Variants in CEP131 observed in about 807,000 individuals in gnomAD.
CEP131 encodes centrosomal protein of 131 kDa.
CEP131 carries 99 observed loss-of-function variants against 136.8 expected under a neutral mutation model. The ratio of observed to expected loss-of-function variants is 0.72; its 90% confidence interval spans 0.62 to 0.86. CEP131 has a LOEUF of 0.86. Ranked by LOEUF, CEP131 falls within the 40% of genes least tolerant of loss-of-function variation. CEP131 has a pLI of 0.00. For synonymous variants in CEP131, 646 were observed against 612.7 expected, an observed-to-expected ratio of 1.05 and a Z score of -0.80; for missense variants, 1,459 against 1,463.0, an observed-to-expected ratio of 1.00 and a Z score of 0.04.
At chr17:81,199,954 GC>G in intron 8 of CEP131, 119 bp from the exon 9 acceptor site, 1 of 1,012,762 alleles carries the variant, frequency 9.9e-7, no homozygotes, top group Non-Finnish European at 1.5e-6. Context: ...CTCAGGGCCA[GC>G]AGGGAAAGTG....
In CEP131 at chr17:81,203,858, C is replaced by T. The variant is rs183019360; in HGVS notation, c.516-251G>A. 192 of 482,272 alleles carry T rather than the reference C, an allele frequency of 4.0e-4. 2 individuals carry two copies. In the South Asian group the frequency reaches 5.0e-3, roughly 13 times the overall value. 29.9% of individuals were successfully genotyped at this position (482,272 alleles called of 1,614,324 possible). Reference sequence around the variant, plus strand: ...AGGGGATAGAATCGAGGCATGAACGCTGGACGTGCCCAAGACGGGGGGAGC... The same window carrying T: ...AGGGGATAGAATCGAGGCATGAACGTTGGACGTGCCCAAGACGGGGGGAGC... On this transcript the variant is annotated intron_variant, in intron 5 of 25. Coordinates refer to ENST00000450824, the MANE Select transcript of CEP131 (RefSeq NM_014984.4). This position sits in a 1 kb window ranked among gnomAD's most constrained non-coding sequence, Gnocchi z 4.6.
intron 2 of CEP131, among the ~76,000 whole-genome samples, chr17:81,216,102 G>A (rs772357402): frequency 1.7e-4 from 26 of 152,254 alleles, no homozygotes; most frequent in Non-Finnish European, 2.6e-4. Flanking sequence ...GCTCACACCT[G>A]TAATCCCAGC....
chr17:81,209,453 C>A (rs1448970587), intron 2 of CEP131, among the ~76,000 whole-genome samples: 2 of 152,232 alleles, frequency 1.3e-5, no homozygotes, highest in Admixed American at 6.5e-5. Context: ...ACTAAGGAGA[C>A]GCAACCAAGA....
Position 81,197,700 on chromosome 17 carries a change from G to T in CEP131, c.1647+12C>A, listed in dbSNP as rs934414233. The T allele has an allele frequency of 6.2e-7, 1 of 1,604,820 alleles. No individual in the cohort carries two copies. Among genetic ancestry groups the T allele is most frequent in the East Asian group, 2.2e-5 (1 of 44,720 alleles). ...CCCACTGGGGGCCGGGTGCGGGCTG[G>T]TGAGGGGCCACCTCCTGCTGGGAGT... is the stretch of plus-strand genomic sequence containing the variant. On this transcript the variant is annotated intron_variant, in intron 13 of 25. Transcript: ENST00000450824.
intron 24 of CEP131, 121 bp downstream of exon 24, chr17:81,190,518 G>T: frequency 7.9e-7 from 1 of 1,261,510 alleles, no homozygotes; most frequent in Non-Finnish European, 1.1e-6. Flanking sequence ...TGTCTACAGG[G>T]CCCTGTCTCT....
intron 1 of CEP131, among the ~76,000 whole-genome samples, chr17:81,220,805 A>G (rs559583159): frequency 5.4e-4 from 82 of 151,854 alleles, no homozygotes; most frequent in African/African-American, 1.9e-3. Flanking sequence ...CCGGCCCCTA[A>G]GTAAAAATAC....
At chr17:81,192,685 G>GGGGGGGGGGGGGGCCCCCC in intron 19 of CEP131, 51 bp downstream of exon 19, 7 of 478,398 alleles carry the variant, frequency 1.5e-5, no homozygotes, top group Non-Finnish European at 2.8e-5. Context: ...GGGGGGAGGG[G>GGGGGGGGGGGGGGCCCCCC]TCAGCCAGCG....
At chr17:81,192,431 G>C in intron 20 of CEP131, 39 bp from the exon 21 acceptor site, 2 of 1,611,648 alleles carry the variant, frequency 1.2e-6, no homozygotes, top group Non-Finnish European at 1.7e-6. Context: ...GTCCCACCCC[G>C]TGCAGCCCCC....
At position 81,197,833 on chromosome 17, in the gene CEP131, C is replaced by T; in HGVS notation, c.1526G>A (p.Ser509Asn). The T allele has an allele frequency of 6.2e-7, 1 of 1,613,244 alleles. No homozygotes were observed. The change falls in exon 13 of 26, where the codon AGT becomes AAT. Residue 509 changes from serine to asparagine, a missense_variant. Physicochemically the swap from Ser to Asn is conservative, Grantham distance 46. Around this residue, in one of 3 missense-constraint regions of CEP131, gnomAD observed 1,026 missense variants for 964.2 expected, o/e 1.06. Transcript: ENST00000450824. ...ATCCTCAGGAGGTTCGGGGAACGCA[C>T]TGAGTTTTCCAAATTTCTCCAAGTT... ...ADNLEKFGKL[S>N]AFPEPPEDGT...
chr17:81,222,528 C>A (rs1184315587), intron 1 of CEP131, among the ~76,000 whole-genome samples: 1 of 152,156 alleles, frequency 6.6e-6, no homozygotes, highest in South Asian at 2.1e-4. Flanking sequence ...CCCTCAGGCA[C>A]GAGCCTGTCT....
chr17:81,195,759 T>G, intron 16 of CEP131, 76 bp downstream of exon 16: 2 of 1,323,502 alleles, frequency 1.5e-6, no homozygotes, highest in Non-Finnish European at 2.1e-6. Context: ...TCCGGTCCTG[T>G]TCTGGGGGCT....
chr17:81,219,033 G>C lies in CEP131; in HGVS notation c.177+847C>G, dbSNP rs1005417831. Among the ~76,000 whole-genome samples, 1 of 152,192 alleles carries C rather than the reference G, an allele frequency of 6.6e-6. No individual in the cohort carries two copies. Among genetic ancestry groups the C allele is most frequent in the Non-Finnish European group, 1.5e-5 (1 of 68,032 alleles). On this transcript the variant is annotated intron_variant, in intron 2 of 25. Coordinates refer to ENST00000450824, the MANE Select transcript of CEP131 (RefSeq NM_014984.4). This position sits in a 1 kb window ranked among gnomAD's most constrained non-coding sequence, Gnocchi z 4.0. ...GTCAGGCTCTGCCCCAACCCCCACA[G>C]AGCGGCTCGATTCCTCCCTTGCCCC...
chr17:81,207,622 T>C (rs2062036368), intron 3 of CEP131, among the ~76,000 whole-genome samples: 2 of 151,890 alleles, frequency 1.3e-5, no homozygotes. Flanking sequence ...AGTGCTGGGA[T>C]TGCAGGTGTG....
At chr17:81,192,981 G>T in intron 18 of CEP131, 138 bp from the exon 19 acceptor site, 2 of 1,381,842 alleles carry the variant, frequency 1.4e-6, no homozygotes, top group Non-Finnish European at 1.9e-6. Context: ...CTCCCCCTCG[G>T]CAGTCAAGGC....
At position 81,198,931 on chromosome 17, in the gene CEP131, C is replaced by A; in HGVS notation, c.1233G>T (p.Leu411=). Residue 411 remains leucine (L), a synonymous_variant, in exon 11 of 26, where the codon CTG becomes CTT. Transcript: ENST00000450824. The part of the protein sequence containing the change: ...LPAAGPGDRC[L]PTSDSSPEPQ... ...GTTCTGGGGATGAGTCGGAGGTGGG[C>A]AGGCAGCGGTCTCCGGGGCCTGCAG... is the stretch of plus-strand genomic sequence containing the variant. The A allele has an allele frequency of 6.3e-7, 1 of 1,591,260 alleles. No individual in the cohort carries two copies. Among genetic ancestry groups the A allele is most frequent in the Non-Finnish European group, 8.5e-7 (1 of 1,170,188 alleles).
intron 2 of CEP131, among the ~76,000 whole-genome samples, chr17:81,216,375 T>A (rs1328519377): frequency 6.8e-6 from 1 of 147,910 alleles, no homozygotes; most frequent in African/African-American, 2.5e-5. Context: ...AAAAAAAAAA[T>A]TAAAAATTAG....
Position 81,208,849 on chromosome 17 carries a change from G to A in CEP131, c.272+79C>T. 1 of 1,133,228 alleles carries A rather than the reference G, an allele frequency of 8.8e-7. No homozygotes were observed. Among genetic ancestry groups the A allele is most frequent in the Non-Finnish European group, 1.3e-6 (1 of 764,464 alleles). The allele number at this position is 1,133,228 out of a possible 1,614,324, so 70.2% of individuals were successfully genotyped here. On this transcript the variant is annotated intron_variant, in intron 3 of 25. Coordinates refer to ENST00000450824, the MANE Select transcript of CEP131 (RefSeq NM_014984.4). This position sits in a 1 kb window ranked among gnomAD's most constrained non-coding sequence, Gnocchi z 5.6. The stretch of plus-strand genomic sequence containing the variant: ...GAGGCTGGAGGAAGGGCAGAGCAGA[G>A]GCAGGGAGGAGCAGGCCAGGGTGGG...
In CEP131 at chr17:81,190,723, G is replaced by A. The variant is rs1250005564; in HGVS notation, c.3023C>T (p.Ser1008Phe). ...RQEFEDRLAA[S>F]EEETRQAKAE... Reference sequence around the variant, plus strand: ...CTTGGCCTGCCGCGTCTCCTCCTCAGAGGCTGCCAGCCGGTCCTCGAACTC... The same window carrying A: ...CTTGGCCTGCCGCGTCTCCTCCTCAAAGGCTGCCAGCCGGTCCTCGAACTC... The change falls in exon 24 of 26, where the codon TCT becomes TTT. Residue 1008 changes from serine (S) to phenylalanine (F), a missense_variant. Physicochemically the swap from Ser to Phe is radical, Grantham distance 155 (BLOSUM62 -2). Transcript: ENST00000450824. 6.2e-6 allele frequency: 10 copies of A among 1,610,570 alleles called. No homozygotes were observed. In the East Asian group the frequency reaches 1.3e-4, roughly 22 times the overall value.
At chr17:81,197,588 G>A (rs559089284) in intron 13 of CEP131, 124 bp downstream of exon 13, 3 of 1,403,576 alleles carry the variant, frequency 2.1e-6, no homozygotes, top group African/African-American at 1.5e-5. Context: ...GGGCTGGCGA[G>A]AGACCTCCTC....
Sources: allele counts gnomAD v4.1 joint callset (sites outside exome capture counted in the v4.1 genomes callset), GRCh38; gene constraint gnomAD v4.1.1; regional missense constraint gnomAD v4.1.1; non-coding constraint Gnocchi (gnomAD v3.1); transcripts MANE v1.5; gene names NCBI Gene and HGNC (gene_info 2026-07-23, HGNC 2026-07-21).